The following NETO1 variants were observed in gnomAD, a reference collection of about 807,000 sequenced individuals.
The protein encoded by NETO1 is neuropilin and tolloid-like protein 1.
In NETO1, 26 loss-of-function variants were observed where a neutral mutation model predicts 61.3. That is an observed-to-expected ratio of 0.42 (90% CI 0.31 to 0.59). The LOEUF is 0.59. Among genes scored for constraint, NETO1 ranks in the 20% least tolerant of loss-of-function variants. NETO1 has a pLI of 0.12. For missense variants in NETO1, 531 were observed against 662.8 expected, an observed-to-expected ratio of 0.80 and a Z score of 2.18; for synonymous variants, 225 against 225.8, an observed-to-expected ratio of 1.00 and a Z score of 0.03.
chr18:72,805,449 T>C (rs2072644702), intron 4 of NETO1, among the ~76,000 whole-genome samples: 1 of 152,198 alleles, frequency 6.6e-6, no homozygotes, highest in African/African-American at 2.4e-5. Context: ...TCCACGAAAA[T>C]AGCTAATACC....
In NETO1 at chr18:72,746,984, A is replaced by G. The variant is rs1405903738; in HGVS notation, c.*1195T>C. On this transcript the variant is annotated 3_prime_UTR_variant, in exon 11 of 11. Coordinates refer to ENST00000327305, the MANE Select transcript of NETO1 (RefSeq NM_138966.5). ...TACCTGAGAATAAGAATAATTCATA[A>G]TGGTGGTTTAATTCATAAAAGGGCT... is the stretch of plus-strand genomic sequence containing the variant. Among the ~76,000 whole-genome samples the G allele has an allele frequency of 6.6e-6, 1 of 152,032 alleles. No individual in the cohort carries two copies. Among genetic ancestry groups the G allele is most frequent in the Non-Finnish European group, 1.5e-5 (1 of 67,938 alleles).
chr18:72,745,784 T>C lies in NETO1; in HGVS notation c.*2395A>G, dbSNP rs955021160. The C allele has an allele frequency of 6.6e-6, 1 of 152,234 alleles. No individual in the cohort carries two copies. The highest frequency in any genetic ancestry group is 2.4e-5 in the African/African-American group (1 of 41,440). 9.4% of individuals were successfully genotyped at this position (152,234 alleles called of 1,614,324 possible). A position where few individuals can be genotyped will look rare whatever the true frequency, so the allele number is the denominator to read the frequency against. On this transcript the variant is annotated 3_prime_UTR_variant, in exon 11 of 11. Transcript: ENST00000327305. ...AGCGCTGCACTCCCAAGTTTGAGCATCTAGAGTGAATGCCAGGAGAAAAGG... is the reference window on the plus strand; with the variant it reads ...AGCGCTGCACTCCCAAGTTTGAGCACCTAGAGTGAATGCCAGGAGAAAAGG...
chr18:72,756,317 T>G (rs4892037), intron 7 of NETO1, among the ~76,000 whole-genome samples, 170 bp from the exon 8 acceptor site: 1 of 151,994 alleles, frequency 6.6e-6, no homozygotes, highest in South Asian at 2.1e-4. Context: ...AATTATTTCT[T>G]GTGTTACTAA....
chr18:72,841,112 A>G (rs978621611), intron 4 of NETO1, among the ~76,000 whole-genome samples: 3 of 152,194 alleles, frequency 2.0e-5, no homozygotes, highest in Non-Finnish European at 4.4e-5. Context: ...GAGAGGAGGA[A>G]GCTGAAGCCA....
At chr18:72,804,913 A>T (rs555842558) in intron 4 of NETO1, among the ~76,000 whole-genome samples, 16 of 152,324 alleles carry the variant, frequency 1.1e-4, no homozygotes, top group Middle Eastern at 3.4e-3. Context: ...ACAAGTAGAC[A>T]CTGAAAGTGG....
rs748651939 is a variant in NETO1 at position 72,852,048 on chromosome 18, A to C, written c.469+6778T>G. 2.1e-4 allele frequency among the ~76,000 whole-genome samples: 32 copies of C among 152,196 alleles called. 1 individual carries two copies. Among genetic ancestry groups the C allele is most frequent in the Non-Finnish European group, 4.4e-4 (30 of 68,042 alleles). On this transcript the variant is annotated intron_variant, in intron 4 of 10. Transcript: ENST00000327305. ...AAGGAAAACATATATCAATAATGGA[A>C]ATATATCTAGGACCCCATGTGTTCC...
At chr18:72,782,766 C>T (rs1381794466) in intron 7 of NETO1, among the ~76,000 whole-genome samples, 1 of 151,930 alleles carries the variant, frequency 6.6e-6, no homozygotes, top group South Asian at 2.1e-4. Flanking sequence ...ATCGCACCGT[C>T]GCACTCCAGC....
chr18:72,862,555 T>C (rs549324908), intron 3 of NETO1, among the ~76,000 whole-genome samples: 3 of 152,208 alleles, frequency 2.0e-5, no homozygotes, highest in South Asian at 4.2e-4. Flanking sequence ...GCAACAAATA[T>C]TAGAACAGTC....
chr18:72,748,056 T>C lies in NETO1; in HGVS notation c.*123A>G, dbSNP rs576382326. On this transcript the variant is annotated 3_prime_UTR_variant, in exon 11 of 11. Coordinates refer to ENST00000327305, the MANE Select transcript of NETO1 (RefSeq NM_138966.5). ...AAGGAATAACAAATGTCTGTAATTCTTAAGTTTGGATAAAGGCAGTGGAAT... is the reference window on the plus strand; with the variant it reads ...AAGGAATAACAAATGTCTGTAATTCCTAAGTTTGGATAAAGGCAGTGGAAT... 1.3e-6 allele frequency: 1 copy of C among 779,026 alleles called. No individual in the cohort carries two copies. The highest frequency in any genetic ancestry group is 6.3e-5 in the Admixed American group (1 of 15,974). 48.3% of individuals were successfully genotyped at this position (779,026 alleles called of 1,614,324 possible). A position where few individuals can be genotyped will look rare whatever the true frequency, so the allele number is the denominator to read the frequency against.
intron 4 of NETO1, among the ~76,000 whole-genome samples, chr18:72,856,871 G>T (rs1033877167): frequency 6.6e-6 from 1 of 152,206 alleles, no homozygotes; most frequent in African/African-American, 2.4e-5. Context: ...CCAGTTGAAT[G>T]ACACTACTAA....
rs1247016471 is a variant in NETO1, at chr18:72,750,323, C to T, written c.1280G>A (p.Cys427Tyr). Residue 427 changes from cysteine to tyrosine, a missense_variant, in exon 9 of 11, where the codon TGC becomes TAC. Transcript: ENST00000327305. Reference protein sequence around the residue: ...YHKLRRSSSKCIHDHHCGSQL... With the variant: ...YHKLRRSSSKYIHDHHCGSQL... ...TGATCCACAGTGATGGTCATGAATG[C>T]ATTTGGAAGATGACCTCCGCAGTTT... 1.9e-5 allele frequency: 30 copies of T among 1,613,920 alleles called. No homozygotes were observed. Among genetic ancestry groups the T allele is most frequent in the Non-Finnish European group, 2.5e-5 (29 of 1,179,984 alleles).
chr18:72,843,787 G>A lies in NETO1; in HGVS notation c.469+15039C>T, dbSNP rs181697453. On this transcript the variant is annotated intron_variant, in intron 4 of 10. Transcript: ENST00000327305. ...TTTTTAGGGTCAGTCTACCTATCCC[G>A]CCAAAAAACTGGTGCCAATTGGTAA... is the stretch of plus-strand genomic sequence containing the variant. Among the ~76,000 whole-genome samples, 50 of 152,172 alleles carry A rather than the reference G, an allele frequency of 3.3e-4. 1 individual carries two copies. The highest frequency in any genetic ancestry group is 1.0e-3 in the African/African-American group (43 of 41,514).
rs2070377596 is a variant in NETO1 at position 72,743,877 on chromosome 18, A to C, written c.*4302T>G. ...AGGGCACAAAAACAATTTTTCAAAGAGCAAACCACTATAAAATAGCATGCC... is the reference window on the plus strand; with the variant it reads ...AGGGCACAAAAACAATTTTTCAAAGCGCAAACCACTATAAAATAGCATGCC... On this transcript the variant is annotated 3_prime_UTR_variant, in exon 11 of 11. Coordinates refer to ENST00000327305, the MANE Select transcript of NETO1 (RefSeq NM_138966.5). 6.6e-6 allele frequency: 1 copy of C among 152,188 alleles called. No individual in the cohort carries two copies. Among genetic ancestry groups the C allele is most frequent in the South Asian group, 2.1e-4 (1 of 4,824 alleles). 9.4% of individuals were successfully genotyped at this position (152,188 alleles called of 1,614,324 possible).
At chr18:72,825,282 G>A (rs1486206745) in intron 4 of NETO1, among the ~76,000 whole-genome samples, 1 of 152,170 alleles carries the variant, frequency 6.6e-6, no homozygotes, top group Non-Finnish European at 1.5e-5. Flanking sequence ...AATAGCTGAT[G>A]CTGGTTTTCT....
intron 4 of NETO1, among the ~76,000 whole-genome samples, chr18:72,833,729 G>A (rs887095465): frequency 5.9e-5 from 9 of 152,044 alleles, no homozygotes; most frequent in South Asian, 2.1e-4. Flanking sequence ...AATTTTTGTC[G>A]TGCATATATC....
chr18:72,834,760 T>C, intron 4 of NETO1: 1 of 985,120 alleles, frequency 1.0e-6, no homozygotes, highest in East Asian at 1.1e-4. Context: ...GTTAAATACA[T>C]GTTAATTCCC....
intron 4 of NETO1, among the ~76,000 whole-genome samples, chr18:72,843,667 C>A (rs773886724): frequency 6.6e-6 from 1 of 152,028 alleles, no homozygotes; most frequent in South Asian, 2.1e-4. Flanking sequence ...AAGTAGCTAC[C>A]GCCATAATTC....
intron 2 of NETO1, 81 bp downstream of exon 2, chr18:72,865,107 G>A: frequency 6.9e-7 from 1 of 1,452,392 alleles, no homozygotes; most frequent in Non-Finnish European, 9.5e-7. Flanking sequence ...CAGATATTCT[G>A]GAATATTAAC....
intron 4 of NETO1, chr18:72,834,769 C>T: frequency 1.0e-6 from 1 of 984,786 alleles, no homozygotes; most frequent in Non-Finnish European, 1.2e-6. Context: ...ATGTTAATTC[C>T]CAGTCCATGG....
Sources: allele counts gnomAD v4.1 joint callset (sites outside exome capture counted in the v4.1 genomes callset), GRCh38; gene constraint gnomAD v4.1.1; transcripts MANE v1.5; gene names NCBI Gene and HGNC (gene_info 2026-07-23, HGNC 2026-07-21).